Variants in SLC25A21 observed in about 807,000 individuals in gnomAD.
SLC25A21 encodes the protein mitochondrial 2-oxodicarboxylate carrier.
SLC25A21 carries 47 observed loss-of-function variants against 43.8 expected under a neutral mutation model. The observed-to-expected ratio is 1.07, with a 90% CI of 0.85 to 1.37. The LOEUF is 1.37. SLC25A21 is among the 40% of genes most tolerant of loss of function. The pLI, the probability that SLC25A21 is intolerant of heterozygous loss-of-function variation, is 0.00. For synonymous variants in SLC25A21, 131 were observed against 121.3 expected, an observed-to-expected ratio of 1.08 and a Z score of -0.52; for missense variants, 352 against 350.2, an observed-to-expected ratio of 1.00 and a Z score of -0.04.
At chr14:37,054,410 TG>T (rs1961775750) in intron 1 of SLC25A21, among the ~76,000 whole-genome samples, 1 of 152,224 alleles carries the variant, frequency 6.6e-6, no homozygotes, top group African/African-American at 2.4e-5. Flanking sequence ...ACAATTTTTT[TG>T]TTGTTGTAAG....
At chr14:36,880,533 T>C (rs528959394) in intron 1 of SLC25A21, among the ~76,000 whole-genome samples, 26 of 152,166 alleles carry the variant, frequency 1.7e-4, no homozygotes, top group Non-Finnish European at 3.8e-4. Context: ...CTCTTCATGT[T>C]TGTATCCTCA....
chr14:37,091,162 C>T (rs998969614), intron 1 of SLC25A21, among the ~76,000 whole-genome samples: 4 of 152,080 alleles, frequency 2.6e-5, no homozygotes, highest in Non-Finnish European at 4.4e-5. Context: ...GGGCCGGGTG[C>T]GGTGGCTCAT....
At chr14:37,013,238 G>A (rs1195333057) in intron 1 of SLC25A21, among the ~76,000 whole-genome samples, 1 of 152,118 alleles carries the variant, frequency 6.6e-6, no homozygotes, top group Non-Finnish European at 1.5e-5. Flanking sequence ...GTATGTCTAT[G>A]TTGGCTTTAC....
At chr14:37,067,174 C>A (rs1044281335) in intron 1 of SLC25A21, among the ~76,000 whole-genome samples, 1 of 151,984 alleles carries the variant, frequency 6.6e-6, no homozygotes, top group Non-Finnish European at 1.5e-5. Flanking sequence ...TTTTTTAGAA[C>A]TACTAAAATA....
At chr14:36,689,002 C>T (rs553446175) in intron 7 of SLC25A21, among the ~76,000 whole-genome samples, 52 of 152,254 alleles carry the variant, frequency 3.4e-4, no homozygotes, top group Admixed American at 3.1e-3. Context: ...TTCTGAAATT[C>T]GAAGCAATGC....
At chr14:36,936,052 T>A (rs1208059353) in intron 1 of SLC25A21, among the ~76,000 whole-genome samples, 4 of 152,118 alleles carry the variant, frequency 2.6e-5, no homozygotes, top group African/African-American at 9.7e-5. Context: ...TGGGTTTTTA[T>A]CTATCAGTAC....
At chr14:36,709,639 G>A (rs1209514656) in intron 7 of SLC25A21, among the ~76,000 whole-genome samples, 1 of 152,164 alleles carries the variant, frequency 6.6e-6, no homozygotes, top group Admixed American at 6.5e-5. Context: ...AACAACTTTG[G>A]TTAGTGAAGT....
At chr14:36,810,501 A>G (rs1479852604) in intron 3 of SLC25A21, among the ~76,000 whole-genome samples, 1 of 152,202 alleles carries the variant, frequency 6.6e-6, no homozygotes, top group East Asian at 1.9e-4. Flanking sequence ...GGTTTATATT[A>G]TCAACGTAGG....
At chr14:36,790,331 G>C (rs1029167709) in intron 3 of SLC25A21, among the ~76,000 whole-genome samples, 1 of 152,046 alleles carries the variant, frequency 6.6e-6, no homozygotes, top group South Asian at 2.1e-4. Flanking sequence ...TTTGAGAGGT[G>C]GTGCATTATC....
intron 1 of SLC25A21, among the ~76,000 whole-genome samples, chr14:37,131,392 T>C (rs780948082): frequency 7.9e-5 from 12 of 152,214 alleles, no homozygotes; most frequent in Non-Finnish European, 1.5e-4. Context: ...CATTGCTGCA[T>C]ACTAAACAAG....
intron 1 of SLC25A21, among the ~76,000 whole-genome samples, chr14:37,100,865 A>T (rs1962804489): frequency 6.6e-6 from 1 of 152,222 alleles, no homozygotes; most frequent in Non-Finnish European, 1.5e-5. Context: ...GGGGTTGTAG[A>T]ACACAATTTA....
At chr14:36,883,942 T>C (rs139479254) in intron 1 of SLC25A21, among the ~76,000 whole-genome samples, 1 of 152,320 alleles carries the variant, frequency 6.6e-6, no homozygotes, top group East Asian at 1.9e-4. Context: ...GTCAAGCTAA[T>C]GAACATATCC....
intron 2 of SLC25A21, among the ~76,000 whole-genome samples, chr14:36,844,809 T>C (rs969301928): frequency 2.6e-5 from 4 of 152,216 alleles, no homozygotes; most frequent in Admixed American, 1.3e-4. Flanking sequence ...TAAAGTTTAA[T>C]GAATGCTGGT....
At chr14:36,832,610 T>C (rs893511978) in intron 2 of SLC25A21, among the ~76,000 whole-genome samples, 1 of 152,188 alleles carries the variant, frequency 6.6e-6, no homozygotes, top group African/African-American at 2.4e-5. Context: ...TGCAGGCTGA[T>C]GATTTGGAAG....
intron 1 of SLC25A21, among the ~76,000 whole-genome samples, chr14:36,892,815 T>C (rs2138585083): frequency 6.6e-6 from 1 of 152,224 alleles, no homozygotes; most frequent in Non-Finnish European, 1.5e-5. Context: ...TTTTTGTCCT[T>C]GCGATAGTTT....
At chr14:36,795,645 G>A (rs1887645400) in intron 3 of SLC25A21, among the ~76,000 whole-genome samples, 1 of 152,174 alleles carries the variant, frequency 6.6e-6, no homozygotes, top group East Asian at 1.9e-4. Flanking sequence ...TGGGGCTACT[G>A]TGGATCCATG....
intron 1 of SLC25A21, among the ~76,000 whole-genome samples, chr14:37,031,333 T>G (rs1208963843): frequency 6.6e-6 from 1 of 152,194 alleles, no homozygotes; most frequent in Non-Finnish European, 1.5e-5. Context: ...ATGAAAAAAT[T>G]TTTAAAAAAG....
chr14:36,983,826 C>T (rs1227710428), intron 1 of SLC25A21, among the ~76,000 whole-genome samples: 1 of 152,132 alleles, frequency 6.6e-6, no homozygotes, highest in Non-Finnish European at 1.5e-5. Flanking sequence ...AGAATGGAAT[C>T]ATATCCTTTG....
intron 1 of SLC25A21, among the ~76,000 whole-genome samples, chr14:37,016,986 G>A (rs756482765): frequency 1.0e-3 from 153 of 152,142 alleles, no homozygotes; most frequent in Middle Eastern, 3.4e-3. Context: ...GCCATGGCTC[G>A]TTTGATCTTC....
Sources: gnomAD v4.1 joint callset for allele counts (sites outside exome capture counted in the v4.1 genomes callset) on GRCh38, gnomAD v4.1.1 for gene constraint, MANE v1.5 for transcripts, NCBI Gene and HGNC (gene_info 2026-07-23, HGNC 2026-07-21) for gene names.